The following SH3BGR variants were observed in gnomAD, a reference collection of about 807,000 sequenced individuals.
SH3BGR encodes SH3 domain-binding glutamic acid-rich protein.
SH3BGR carries 29 observed loss-of-function variants against 24.5 expected under a neutral mutation model. The observed-to-expected ratio is 1.18, with a 90% CI of 0.88 to 1.61. The LOEUF (loss-of-function observed/expected upper bound fraction) is 1.61, where lower values mean the gene tolerates loss of function less well. Ranked by LOEUF, SH3BGR falls within the 40% of genes most tolerant of loss-of-function variation. The pLI is 0.00. For synonymous variants in SH3BGR, 55 were observed against 65.7 expected (o/e 0.84, Z 0.79); for missense variants, 162 against 205.8 (o/e 0.79, Z 1.30).
intron 3 of SH3BGR, among the ~76,000 whole-genome samples, chr21:39,486,260 T>C (rs1161661310): frequency 1.3e-5 from 2 of 152,226 alleles, no homozygotes; most frequent in South Asian, 2.1e-4. Flanking sequence ...AAGAATAATA[T>C]ATTTGATGAG....
At chr21:39,464,429 G>T (rs1452769964) in intron 2 of SH3BGR, among the ~76,000 whole-genome samples, 1 of 152,098 alleles carries the variant, frequency 6.6e-6, no homozygotes, top group African/African-American at 2.4e-5. Flanking sequence ...CACCACATTG[G>T]CTGGGCTGGT....
intron 2 of SH3BGR, among the ~76,000 whole-genome samples, chr21:39,469,746 C>G (rs561526433): frequency 1.3e-5 from 2 of 152,044 alleles, no homozygotes; most frequent in Admixed American, 1.3e-4. Flanking sequence ...CTCTGCCTCC[C>G]GAGTTCAAGT....
intron 1 of SH3BGR, among the ~76,000 whole-genome samples, chr21:39,459,359 G>T (rs538843994): frequency 5.8e-4 from 88 of 152,008 alleles, no homozygotes; most frequent in African/African-American, 2.0e-3. Flanking sequence ...CAAGTAGCTT[G>T]CACTACAGGT....
At chr21:39,470,262 C>CTTTTT (rs1004775869) in intron 2 of SH3BGR, among the ~76,000 whole-genome samples, 72 of 145,052 alleles carry the variant, frequency 5.0e-4, no homozygotes, top group Middle Eastern at 6.9e-3. Flanking sequence ...TTGTCCCAAA[C>CTTTTT]TTTTTTTTTT....
chr21:39,462,023 A>G (rs560260708), intron 1 of SH3BGR, among the ~76,000 whole-genome samples: 1 of 151,936 alleles, frequency 6.6e-6, no homozygotes, highest in Admixed American at 6.6e-5. Flanking sequence ...TAATTTTTGT[A>G]TTTTTAGTAG....
At chr21:39,509,478 T>G (rs559720595) in intron 5 of SH3BGR, among the ~76,000 whole-genome samples, 4 of 147,262 alleles carry the variant, frequency 2.7e-5, no homozygotes, top group African/African-American at 7.5e-5. Context: ...ATTGTTTTTT[T>G]TTTTTTTTTT....
At chr21:39,447,440 A>ATTTTT, upstream of SH3BGR, among the ~76,000 whole-genome samples, 1 of 106,784 alleles carries the variant, frequency 9.4e-6, no homozygotes. Context: ...TTTTTTTGAG[A>ATTTTT]CGTATCACTC....
chr21:39,492,386 C>A (rs1173179876), intron 3 of SH3BGR, among the ~76,000 whole-genome samples: 1 of 151,808 alleles, frequency 6.6e-6, no homozygotes, highest in Non-Finnish European at 1.5e-5. Context: ...CCAATTCCAT[C>A]CAAGTTGCTG....
chr21:39,513,391 C>T (rs574552727), intron 6 of SH3BGR, among the ~76,000 whole-genome samples: 3 of 152,146 alleles, frequency 2.0e-5, no homozygotes, highest in South Asian at 4.2e-4. Flanking sequence ...CACCAAAGTC[C>T]AATTTGAATA....
intron 3 of SH3BGR, among the ~76,000 whole-genome samples, chr21:39,487,935 G>A (rs1434664744): frequency 6.6e-6 from 1 of 152,286 alleles, no homozygotes; most frequent in East Asian, 1.9e-4. Context: ...AGCTTTGGAG[G>A]AACATTTGTT....
At chr21:39,466,512 C>T (rs1455611216) in intron 2 of SH3BGR, among the ~76,000 whole-genome samples, 1 of 152,142 alleles carries the variant, frequency 6.6e-6, no homozygotes, top group African/African-American at 2.4e-5. Context: ...GTACCCAGGA[C>T]TGGATAATTT....
At position 39,511,722 on chromosome 21, in the gene SH3BGR, G is replaced by C; in HGVS notation, c.478G>C (p.Glu160Gln). 1 of 1,587,132 alleles carries C rather than the reference G, an allele frequency of 6.3e-7. No individual in the cohort carries two copies. The highest frequency in any genetic ancestry group is 1.1e-5 in the South Asian group (1 of 89,932). Residue 160 changes from glutamate to glutamine, a missense_variant, in exon 6 of 7, where the codon GAG (glutamate) becomes CAG (glutamine). Coordinates refer to ENST00000333634, the MANE Select transcript of SH3BGR (RefSeq NM_007341.3). This position sits in a 1 kb window ranked among gnomAD's most constrained non-coding sequence, Gnocchi z 4.2. ...GGAGGGTGCGGAAGGGGAAGCCGAG[G>C]AGGAGGAAGAAACTGCAGAAGGAGA... ...AMEGAEGEAE[E>Q]EEETAEGEEP...
At chr21:39,479,256 GTGATGGTAGTGC>G (rs2078085640) in intron 3 of SH3BGR, among the ~76,000 whole-genome samples, 3 of 147,740 alleles carry the variant, frequency 2.0e-5, no homozygotes, top group African/African-American at 5.2e-5. Flanking sequence ...GGTGGTGGTG[GTGATGGTAGTGC>G]TGGTGGTGAT....
chr21:39,458,883 A>G (rs2077708820), intron 1 of SH3BGR, among the ~76,000 whole-genome samples: 1 of 152,006 alleles, frequency 6.6e-6, no homozygotes, highest in African/African-American at 2.4e-5. Flanking sequence ...CTGGCCTCAG[A>G]TGATCTGCCT....
At chr21:39,480,025 G>A (rs892887462) in intron 3 of SH3BGR, among the ~76,000 whole-genome samples, 5 of 152,162 alleles carry the variant, frequency 3.3e-5, no homozygotes, top group Non-Finnish European at 5.9e-5. Flanking sequence ...GAAACTGCCT[G>A]TAGTTTTCAA....
chr21:39,450,635 A>T (rs905027360), upstream of SH3BGR, among the ~76,000 whole-genome samples: 1 of 152,214 alleles, frequency 6.6e-6, no homozygotes, highest in Non-Finnish European at 1.5e-5. Flanking sequence ...TAAGAGACTC[A>T]GTTATCTAAG....
rs923316418 is a variant in SH3BGR at position 39,494,684 on chromosome 21, G to GT, written c.313-5130dup. Among the ~76,000 whole-genome samples the GT allele has an allele frequency of 5.3e-4, 79 of 150,174 alleles. 1 individual carries two copies. Among genetic ancestry groups the GT allele is most frequent in the African/African-American group, 1.4e-3 (58 of 41,026 alleles). ...ATTTGATTATGATATGCCTACCTAT[G>GT]TTTTTTTTTGTGTACTTATTATTAT... is the stretch of plus-strand genomic sequence containing the variant. On this transcript the variant is annotated intron_variant, in intron 3 of 6. Transcript: ENST00000333634.
At chr21:39,448,983 G>A (rs2077543230), upstream of SH3BGR, among the ~76,000 whole-genome samples, 1 of 150,806 alleles carries the variant, frequency 6.6e-6, no homozygotes, top group African/African-American at 2.5e-5. Flanking sequence ...AACAGCTGCA[G>A]ACCTCCAGCC....
At chr21:39,487,337 T>G (rs1201276877) in intron 3 of SH3BGR, among the ~76,000 whole-genome samples, 1 of 152,014 alleles carries the variant, frequency 6.6e-6, no homozygotes, top group Non-Finnish European at 1.5e-5. Flanking sequence ...AAGACAGAAT[T>G]TCACCATGTT....
Sources: gnomAD v4.1 joint callset for allele counts (sites outside exome capture counted in the v4.1 genomes callset) on GRCh38, gnomAD v4.1.1 for gene constraint, Gnocchi (gnomAD v3.1) non-coding constraint, MANE v1.5 for transcripts, NCBI Gene and HGNC (gene_info 2026-07-23, HGNC 2026-07-21) for gene names.